Variants in TOX2 observed in about 807,000 individuals in gnomAD.
TOX2 encodes the protein TOX high mobility group box family member 2.
Under a neutral mutation model 47.4 loss-of-function variants are expected in TOX2, and 15 were observed. The ratio of observed to expected loss-of-function variants is 0.32; its 90% CI spans 0.21 to 0.49. The LOEUF (loss-of-function observed/expected upper bound fraction) is 0.49. Among genes scored for constraint, TOX2 ranks in the 20% least tolerant of loss-of-function variants. TOX2 has a pLI of 0.99. For synonymous variants in TOX2, 290 were observed against 296.6 expected (o/e 0.98, Z 0.23); for missense variants, 622 against 673.1 (o/e 0.92, Z 0.84).
intron 2 of TOX2, among the ~76,000 whole-genome samples, chr20:43,975,972 C>T (rs2070071408): frequency 6.6e-6 from 1 of 152,126 alleles, no homozygotes; most frequent in African/African-American, 2.4e-5. Context: ...CCTGAGGGTC[C>T]TTCTAAATCT....
At chr20:43,981,572 CTT>C (rs2070169667) in intron 2 of TOX2, among the ~76,000 whole-genome samples, 1 of 152,250 alleles carries the variant, frequency 6.6e-6, no homozygotes, top group East Asian at 1.9e-4. Flanking sequence ...TAGAAAAAGA[CTT>C]TTCACCGTAT....
chr20:44,011,748 G>A (rs981366438), intron 3 of TOX2, among the ~76,000 whole-genome samples: 3 of 152,194 alleles, frequency 2.0e-5, no homozygotes, highest in African/African-American at 7.2e-5. Context: ...CTGGAGAGGC[G>A]GGCAAGGCCA....
chr20:44,051,431 G>A lies in TOX2; in HGVS notation c.537G>A (p.Gln179=), dbSNP rs753249454. ...SALSQSQLIS[Q]MGIRSSIAHS... ...TCAGCCAGTCCCAGCTCATCTCGCA[G>A]ATGGGCATCCGGAGCAGCATCGCCC... Residue 179 remains glutamine, a synonymous_variant, in exon 4 of 9, where the codon CAG becomes CAA. Coordinates refer to ENST00000341197, the MANE Select transcript of TOX2 (RefSeq NM_001098797.2). 6.2e-7 allele frequency: 1 copy of A among 1,614,112 alleles called. No individual in the cohort carries two copies. Among genetic ancestry groups the A allele is most frequent in the Non-Finnish European group, 8.5e-7 (1 of 1,180,006 alleles).
chr20:43,926,094 T>C (rs2069163577), intron 1 of TOX2, among the ~76,000 whole-genome samples: 2 of 152,218 alleles, frequency 1.3e-5, no homozygotes, highest in Admixed American at 6.5e-5. Context: ...CGGAAATGAA[T>C]CGACTCAGTA....
Position 44,065,918 on chromosome 20 carries a change from CCCG to C in TOX2, c.1176_1178del (p.Pro394del), listed in dbSNP as rs34604629. ...CTCTGCTGCCAGGCCTCAGTGCGTC[CCCG>C]CCGCCGCCACCCTCCTTCCCGCTCA... On this transcript the variant is annotated inframe_deletion, in exon 7 of 9. Coordinates refer to ENST00000341197, the MANE Select transcript of TOX2 (RefSeq NM_001098797.2). 2 of 1,610,832 alleles carry C rather than the reference CCCG, an allele frequency of 1.2e-6. No homozygotes were observed. The highest frequency in any genetic ancestry group is 1.3e-5 in the African/African-American group (1 of 74,874).
intron 1 of TOX2, among the ~76,000 whole-genome samples, chr20:43,960,695 C>A (rs1406813961): frequency 6.6e-6 from 1 of 152,236 alleles, no homozygotes; most frequent in Non-Finnish European, 1.5e-5. Context: ...AAAGCACATG[C>A]TGATTTCACT....
At chr20:43,978,559 T>C (rs1315640211) in intron 2 of TOX2, among the ~76,000 whole-genome samples, 1 of 152,200 alleles carries the variant, frequency 6.6e-6, no homozygotes, top group African/African-American at 2.4e-5. Context: ...TACAACTTGG[T>C]GTTTTTGTAT....
chr20:43,988,531 CT>C (rs766072600), intron 2 of TOX2, among the ~76,000 whole-genome samples: 7 of 152,248 alleles, frequency 4.6e-5, no homozygotes, highest in Non-Finnish European at 8.8e-5. Flanking sequence ...TCACCTGACT[CT>C]TGGGCTAGTG....
intron 1 of TOX2, among the ~76,000 whole-genome samples, chr20:43,950,628 C>A (rs2069545892): frequency 6.6e-6 from 1 of 152,008 alleles, no homozygotes. Context: ...TGGCTCACTC[C>A]CTCACCTCCT....
At chr20:44,029,006 C>A (rs542848068) in intron 3 of TOX2, among the ~76,000 whole-genome samples, 32 of 152,280 alleles carry the variant, frequency 2.1e-4, no homozygotes, top group Non-Finnish European at 4.4e-4. Context: ...CCAGTGACTG[C>A]CAGACCAAGT....
intron 3 of TOX2, among the ~76,000 whole-genome samples, chr20:44,032,027 G>A (rs145684380): frequency 1.3e-5 from 2 of 152,320 alleles, no homozygotes; most frequent in African/African-American, 4.8e-5. Context: ...CAGGTGTTAA[G>A]TACTTTGGAA....
intron 3 of TOX2, among the ~76,000 whole-genome samples, chr20:44,034,040 C>A (rs1321827617): frequency 6.6e-6 from 1 of 152,184 alleles, no homozygotes; most frequent in African/African-American, 2.4e-5. Context: ...CATGCTTACC[C>A]TCCAACAAGT....
At chr20:44,015,677 C>T (rs1368801253) in intron 3 of TOX2, among the ~76,000 whole-genome samples, 6 of 152,040 alleles carry the variant, frequency 3.9e-5, no homozygotes, top group Admixed American at 2.6e-4. Flanking sequence ...TTATGATGTA[C>T]GAGTGTGAAG....
chr20:43,923,001 G>A (rs866069216), intron 1 of TOX2, among the ~76,000 whole-genome samples: 1 of 128,606 alleles, frequency 7.8e-6, no homozygotes, highest in East Asian at 2.6e-4. Flanking sequence ...TGCCAATGCC[G>A]GGAGTGTGGG....
In TOX2 at chr20:44,054,427, T is replaced by G. The variant is rs1284804157; in HGVS notation, c.780T>G (p.Thr260=). 10 of 1,613,326 alleles carry G rather than the reference T, an allele frequency of 6.2e-6. No homozygotes were observed. In the East Asian group the frequency reaches 2.0e-4, roughly 32 times the overall value. ...CCTACGCACTCTTCTTCAGAGACAC[T>G]CAGGCCGCCATCAAGGGTCAGAACC... The part of the protein sequence containing the change: ...VSAYALFFRD[T]QAAIKGQNPS... Residue 260 remains threonine (T), a synonymous_variant, in exon 5 of 9, where the codon ACT becomes ACG. Transcript: ENST00000341197.
intron 2 of TOX2, among the ~76,000 whole-genome samples, chr20:43,974,535 G>A (rs2070038397): frequency 6.6e-6 from 1 of 152,354 alleles, no homozygotes; most frequent in East Asian, 1.9e-4. Context: ...TGGGAAGCTG[G>A]AGGGCAACCC....
intron 2 of TOX2, among the ~76,000 whole-genome samples, chr20:43,982,519 G>C (rs2070185848): frequency 6.6e-6 from 1 of 152,252 alleles, no homozygotes; most frequent in African/African-American, 2.4e-5. Flanking sequence ...GGATGGCAAG[G>C]ACACCTTATT....
chr20:44,002,290 A>G (rs989648842), intron 2 of TOX2, among the ~76,000 whole-genome samples: 5 of 151,988 alleles, frequency 3.3e-5, no homozygotes, highest in African/African-American at 1.2e-4. Flanking sequence ...TTTTGACTCT[A>G]CTTACCTTTT....
intron 1 of TOX2, among the ~76,000 whole-genome samples, chr20:43,957,119 A>G (rs150818361): frequency 2.4e-4 from 37 of 152,382 alleles, no homozygotes; most frequent in African/African-American, 7.9e-4. Context: ...GGGCTGAAGA[A>G]GTTATCCTGC....
Sources: allele counts gnomAD v4.1 joint callset (sites outside exome capture counted in the v4.1 genomes callset), GRCh38; gene constraint gnomAD v4.1.1; transcripts MANE v1.5; gene names NCBI Gene and HGNC (gene_info 2026-07-23, HGNC 2026-07-21).